The following DPF3 variants were observed in gnomAD, a reference collection of about 807,000 sequenced individuals.
DPF3 encodes zinc finger protein DPF3.
DPF3 carries 18 observed loss-of-function variants against 56.8 expected under a neutral mutation model. The ratio of observed to expected loss-of-function variants is 0.32; its 90% CI spans 0.22 to 0.47. The LOEUF is 0.47. Ranked by LOEUF, DPF3 falls within the 20% of genes least tolerant of loss-of-function variation. The pLI is 1.00. For synonymous variants in DPF3, 188 were observed against 180.2 expected, an observed-to-expected ratio of 1.04 and a Z score of -0.35; for missense variants, 403 against 488.8, an observed-to-expected ratio of 0.82 and a Z score of 1.65.
chr14:72,714,528 C>T (rs1416388234), intron 5 of DPF3, 27 bp from the exon 6 acceptor site: 1 of 1,612,650 alleles, frequency 6.2e-7, no homozygotes, highest in Admixed American at 1.7e-5. Flanking sequence ...GTACAGGATG[C>T]TTGTTACCAT....
intron 8 of DPF3, among the ~76,000 whole-genome samples, chr14:72,638,860 A>G (rs1017775104): frequency 1.4e-4 from 21 of 145,372 alleles, no homozygotes; most frequent in African/African-American, 5.4e-4. Flanking sequence ...TCTGTCGTCC[A>G]TGCTGGAGTG....
chr14:72,675,137 C>T (rs1454101424), intron 7 of DPF3, among the ~76,000 whole-genome samples: 1 of 152,232 alleles, frequency 6.6e-6, no homozygotes, highest in Non-Finnish European at 1.5e-5. Flanking sequence ...AACACACTAA[C>T]TTCAAAACCC....
intron 1 of DPF3, among the ~76,000 whole-genome samples, chr14:72,786,164 G>C (rs1892199619): frequency 6.6e-6 from 1 of 152,124 alleles, no homozygotes; most frequent in Non-Finnish European, 1.5e-5. Context: ...TCAGGAGGCT[G>C]AGGCAGGAGA....
intron 1 of DPF3, among the ~76,000 whole-genome samples, chr14:72,885,369 GGTTT>G (rs36017937): frequency 0.57 from 84,624 of 148,984 alleles, 24,083 homozygotes; most frequent in Middle Eastern, 0.63. Flanking sequence ...TAATTTTTTG[GGTTT>G]GTTTGTTTGT....
intron 7 of DPF3, among the ~76,000 whole-genome samples, chr14:72,676,474 G>C (rs1886912829): frequency 1.3e-5 from 2 of 152,182 alleles, no homozygotes; most frequent in African/African-American, 4.8e-5. Context: ...GTAAAATATA[G>C]AGTATAAAAG....
At chr14:72,712,604 G>A (rs1888703014) in intron 6 of DPF3, among the ~76,000 whole-genome samples, 1 of 152,202 alleles carries the variant, frequency 6.6e-6, no homozygotes, top group Non-Finnish European at 1.5e-5. Flanking sequence ...TGGGTGCAGT[G>A]GCTCACACCT....
At chr14:72,704,995 C>T (rs928911994) in intron 6 of DPF3, among the ~76,000 whole-genome samples, 1 of 152,118 alleles carries the variant, frequency 6.6e-6, no homozygotes, top group Non-Finnish European at 1.5e-5. Flanking sequence ...ATCAACCTTC[C>T]TAGAGATGTC....
At chr14:72,631,786 A>C (rs924065618) in intron 8 of DPF3, among the ~76,000 whole-genome samples, 4 of 152,250 alleles carry the variant, frequency 2.6e-5, no homozygotes, top group African/African-American at 9.6e-5. Context: ...ACATGTATCT[A>C]TCAACTACAA....
rs559025810 is a variant in DPF3 at position 72,612,657 on chromosome 14, C to A, written c.*6640G>T. On this transcript the variant is annotated 3_prime_UTR_variant, in exon 11 of 11. Transcript: ENST00000556509. Reference sequence around the variant, plus strand: ...GGGGAGTAGACATGGAAGGGCAAACCAAGTCCGTATAAACCACAAACCCCA... The same window carrying A: ...GGGGAGTAGACATGGAAGGGCAAACAAAGTCCGTATAAACCACAAACCCCA... 2.5e-5 allele frequency: 13 copies of A among 516,810 alleles called. No homozygotes were observed. The Admixed American group carries it at 2.5e-4, about 10-fold the overall frequency. 32.0% of individuals were successfully genotyped at this position (516,810 alleles called of 1,614,324 possible). A position where few individuals can be genotyped will look rare whatever the true frequency, so the allele number is the denominator to read the frequency against.
intron 1 of DPF3, among the ~76,000 whole-genome samples, chr14:72,869,504 C>T (rs938466073): frequency 6.6e-6 from 1 of 152,126 alleles, no homozygotes; most frequent in African/African-American, 2.4e-5. Flanking sequence ...AATGACAGGC[C>T]AGTGTGAGAC....
chr14:72,838,358 G>A (rs1299004622), intron 1 of DPF3, among the ~76,000 whole-genome samples: 1 of 152,192 alleles, frequency 6.6e-6, no homozygotes, highest in Non-Finnish European at 1.5e-5. Context: ...GCTGGGCGTG[G>A]TGGTGCACAC....
chr14:72,858,440 A>C (rs1885257041), intron 1 of DPF3, among the ~76,000 whole-genome samples: 1 of 152,090 alleles, frequency 6.6e-6, no homozygotes, highest in Non-Finnish European at 1.5e-5. Context: ...CTCCAGCCCC[A>C]CAGGCACCCT....
intron 1 of DPF3, among the ~76,000 whole-genome samples, chr14:72,797,386 T>A (rs1442039423): frequency 6.6e-6 from 1 of 152,324 alleles, no homozygotes; most frequent in East Asian, 1.9e-4. Flanking sequence ...CATTAAGCTT[T>A]ATGGTGTTTT....
At chr14:72,882,414 C>A (rs1382856962) in intron 1 of DPF3, among the ~76,000 whole-genome samples, 2 of 152,134 alleles carry the variant, frequency 1.3e-5, no homozygotes, top group African/African-American at 4.8e-5. Flanking sequence ...GAAGAACAGG[C>A]CCTTCTCTAT....
At chr14:72,754,563 C>T (rs890645658) in intron 2 of DPF3, among the ~76,000 whole-genome samples, 1 of 152,296 alleles carries the variant, frequency 6.6e-6, no homozygotes, top group East Asian at 1.9e-4. Flanking sequence ...CTGTTGGACG[C>T]AGGCGGCCTA....
chr14:72,841,053 T>C (rs1884524561), intron 1 of DPF3, among the ~76,000 whole-genome samples: 1 of 152,236 alleles, frequency 6.6e-6, no homozygotes. Context: ...AAATCATAAC[T>C]GCCTTAGGCG....
At chr14:72,743,831 C>T (rs1008185271) in intron 3 of DPF3, among the ~76,000 whole-genome samples, 1 of 152,210 alleles carries the variant, frequency 6.6e-6, no homozygotes, top group Admixed American at 6.5e-5. Context: ...CTGCCCAAGT[C>T]TTTGTGTTGT....
At position 72,617,161 on chromosome 14, in the gene DPF3, C is replaced by G. The variant is rs1428635713; in HGVS notation, c.*2136G>C. On this transcript the variant is annotated 3_prime_UTR_variant, in exon 11 of 11. Coordinates refer to ENST00000556509, the MANE Select transcript of DPF3 (RefSeq NM_001280542.3). ...CAGGGCTGCCCTATCACCTGCACTT[C>G]TGTGGAAAACAAATTTGCACATACT... is the stretch of plus-strand genomic sequence containing the variant. 6.6e-6 allele frequency among the ~76,000 whole-genome samples: 1 copy of G among 152,152 alleles called. No homozygotes were observed. Among genetic ancestry groups the G allele is most frequent in the Non-Finnish European group, 1.5e-5 (1 of 68,034 alleles).
intron 8 of DPF3, among the ~76,000 whole-genome samples, chr14:72,648,585 A>G (rs1885798076): frequency 6.6e-6 from 1 of 151,354 alleles, no homozygotes; most frequent in Admixed American, 6.6e-5. Context: ...AAAAAAAAAA[A>G]AAGAATAAAA....
Sources: allele counts gnomAD v4.1 joint callset (sites outside exome capture counted in the v4.1 genomes callset), GRCh38; gene constraint gnomAD v4.1.1; transcripts MANE v1.5; gene names NCBI Gene and HGNC (gene_info 2026-07-23, HGNC 2026-07-21).